Variants in TRAPPC9 observed in about 807,000 individuals in gnomAD.
The protein encoded by TRAPPC9 is IKK2 binding protein.
A neutral mutation model predicts 124.0 loss-of-function variants in TRAPPC9; 83 were observed. That is an observed-to-expected ratio of 0.67 (90% CI 0.56 to 0.80). The LOEUF is 0.80. Among genes scored for constraint, TRAPPC9 ranks in the 30% least tolerant of loss-of-function variants. TRAPPC9 has a pLI of 0.00. For missense variants in TRAPPC9, 1,302 were observed against 1,508.3 expected, an observed-to-expected ratio of 0.86 and a Z score of 2.27; for synonymous variants, 638 against 617.5, an observed-to-expected ratio of 1.03 and a Z score of -0.49.
intron 16 of TRAPPC9, among the ~76,000 whole-genome samples, chr8:140,239,380 A>G (rs1201045807): frequency 6.6e-6 from 1 of 152,156 alleles, no homozygotes; most frequent in Non-Finnish European, 1.5e-5. Flanking sequence ...AAAGAGGAAA[A>G]GGAAGAATCT....
intron 21 of TRAPPC9, among the ~76,000 whole-genome samples, chr8:139,759,353 C>G (rs1472037011): frequency 6.6e-6 from 1 of 152,148 alleles, no homozygotes; most frequent in Non-Finnish European, 1.5e-5. Context: ...CATACATGGT[C>G]CCCTGGAATC....
intron 17 of TRAPPC9, among the ~76,000 whole-genome samples, chr8:140,075,765 G>A (rs1272522778): frequency 6.6e-6 from 1 of 152,322 alleles, no homozygotes; most frequent in East Asian, 1.9e-4. Flanking sequence ...CCGACACATT[G>A]GATGTAGAGC....
intron 12 of TRAPPC9, among the ~76,000 whole-genome samples, chr8:140,288,601 T>C (rs1385867316): frequency 6.6e-6 from 1 of 152,038 alleles, no homozygotes; most frequent in African/African-American, 2.4e-5. Flanking sequence ...AGAAAAGTCA[T>C]ACAGGCAATT....
intron 17 of TRAPPC9, among the ~76,000 whole-genome samples, chr8:140,158,248 CAGATGTGGTTA>C (rs1223524461): frequency 2.0e-5 from 3 of 152,202 alleles, no homozygotes; most frequent in Non-Finnish European, 4.4e-5. Context: ...GAAGGGACTG[CAGATGTGGTTA>C]AGATGAAGAT....
chr8:139,765,070 G>T (rs896065819), intron 21 of TRAPPC9, among the ~76,000 whole-genome samples: 11 of 152,176 alleles, frequency 7.2e-5, no homozygotes, highest in African/African-American at 2.7e-4. Context: ...CCAAGCCAAC[G>T]CTTGGGTTCC....
chr8:139,771,661 C>G (rs1013291412), intron 21 of TRAPPC9, among the ~76,000 whole-genome samples: 1 of 152,212 alleles, frequency 6.6e-6, no homozygotes, highest in Non-Finnish European at 1.5e-5. Flanking sequence ...AGACCCCACA[C>G]GAGTGGTAGG....
intron 15 of TRAPPC9, among the ~76,000 whole-genome samples, chr8:140,268,336 C>T (rs952819384): frequency 6.7e-6 from 1 of 149,122 alleles, no homozygotes; most frequent in African/African-American, 2.5e-5. Flanking sequence ...GTCCTCTGTT[C>T]ATTCATGCTG....
chr8:140,119,872 T>G (rs1023045140), intron 17 of TRAPPC9, among the ~76,000 whole-genome samples: 4 of 152,196 alleles, frequency 2.6e-5, no homozygotes, highest in South Asian at 2.1e-4. Flanking sequence ...TAGAACTGTT[T>G]GTGGGCTTCT....
chr8:139,923,204 G>A (rs72683272), intron 19 of TRAPPC9, among the ~76,000 whole-genome samples: 11,222 of 151,724 alleles, frequency 0.074, 438 homozygotes, highest in Admixed American at 0.098. Flanking sequence ...TCATCTCCCC[G>A]CTAAGTGGAG....
chr8:140,091,602 T>G (rs780406491), intron 17 of TRAPPC9, among the ~76,000 whole-genome samples: 2 of 152,124 alleles, frequency 1.3e-5, no homozygotes, highest in Non-Finnish European at 1.5e-5. Context: ...AAAACCTCAT[T>G]ATAAAGTCAA....
intron 12 of TRAPPC9, among the ~76,000 whole-genome samples, chr8:140,288,902 T>G (rs62527540): frequency 0.093 from 14,166 of 152,090 alleles, 698 homozygotes; most frequent in African/African-American, 0.12. Context: ...GCGGGTTGGT[T>G]TTCTGCAGCA....
chr8:139,763,078 C>T (rs1247915559), intron 21 of TRAPPC9, among the ~76,000 whole-genome samples: 1 of 152,198 alleles, frequency 6.6e-6, no homozygotes, highest in African/African-American at 2.4e-5. Flanking sequence ...TGTGATTGAA[C>T]AGGAATAATT....
intron 17 of TRAPPC9, among the ~76,000 whole-genome samples, chr8:140,027,686 C>T (rs971466559): frequency 3.3e-5 from 5 of 152,012 alleles, no homozygotes; most frequent in Non-Finnish European, 5.9e-5. Flanking sequence ...AAGAACTGCC[C>T]GAGACTGGGT....
intron 17 of TRAPPC9, among the ~76,000 whole-genome samples, chr8:140,071,918 C>A (rs1429457364): frequency 6.6e-6 from 1 of 152,210 alleles, no homozygotes. Context: ...CCAGTTAGCA[C>A]TGGAGTCAAT....
chr8:140,074,296 C>T (rs1274466978), intron 17 of TRAPPC9, among the ~76,000 whole-genome samples: 1 of 152,136 alleles, frequency 6.6e-6, no homozygotes. Context: ...CAGCATCCCC[C>T]GAACTACCCA....
At chr8:139,804,315 CCCACCACCGCCACCAAGCACCA>C (rs1422692674) in intron 21 of TRAPPC9, among the ~76,000 whole-genome samples, 10 of 140,956 alleles carry the variant, frequency 7.1e-5, no homozygotes, top group African/African-American at 2.1e-4. Context: ...ACCACCACCA[CCCACCACCGCCACCAAGCACCA>C]CCACCACCGC....
intron 18 of TRAPPC9, among the ~76,000 whole-genome samples, chr8:140,015,904 T>G (rs1163650663): frequency 2.6e-5 from 4 of 152,136 alleles, no homozygotes; most frequent in Non-Finnish European, 5.9e-5. Flanking sequence ...TCCTACACCT[T>G]CCCCGGCTGC....
intron 19 of TRAPPC9, among the ~76,000 whole-genome samples, chr8:139,964,224 C>CAAAAAAAAAAAAAAAAAAAAAAAAAAAAA (rs1008397834): frequency 1.5e-5 from 1 of 67,670 alleles, no homozygotes; most frequent in Admixed American, 2.0e-4. Flanking sequence ...GACTCTGTCT[C>CAAAAAAAAAAAAAAAAAAAAAAAAAAAAA]AAAAAAAAAA....
chr8:139,813,581 G>A (rs575014177), intron 21 of TRAPPC9, among the ~76,000 whole-genome samples: 2 of 152,236 alleles, frequency 1.3e-5, no homozygotes, highest in East Asian at 1.9e-4. Context: ...CAGCAGCACC[G>A]GGTGGGGAGA....
Sources: gnomAD v4.1 joint callset for allele counts (sites outside exome capture counted in the v4.1 genomes callset) on GRCh38, gnomAD v4.1.1 for gene constraint, MANE v1.5 for transcripts, NCBI Gene and HGNC (gene_info 2026-07-23, HGNC 2026-07-21) for gene names.